The following ZNHIT6 variants were observed in gnomAD, a reference collection of about 807,000 sequenced individuals.
ZNHIT6 encodes the protein box C/D snoRNA protein 1.
ZNHIT6 carries 45 observed loss-of-function variants against 57.2 expected under a neutral mutation model. The ratio of observed to expected loss-of-function variants is 0.79; its 90% CI spans 0.62 to 1.01. The LOEUF (loss-of-function observed/expected upper bound fraction) is 1.01, where lower values mean the gene tolerates loss of function less well. Ranked by LOEUF, ZNHIT6 falls within the 50% of genes least tolerant of loss-of-function variation. The pLI is 0.00. For missense variants in ZNHIT6, 528 were observed against 567.3 expected (o/e 0.93, Z 0.70); for synonymous variants, 188 against 190.0 (o/e 0.99, Z 0.09).
chr1:85,681,870 A>T (rs1252970919), intron 5 of ZNHIT6, among the ~76,000 whole-genome samples: 1 of 152,190 alleles, frequency 6.6e-6, no homozygotes, highest in East Asian at 1.9e-4. Flanking sequence ...TGAATGCAAA[A>T]GCAACAGTTA....
chr1:85,672,300 G>A (rs1359266033), intron 8 of ZNHIT6, among the ~76,000 whole-genome samples: 4 of 151,544 alleles, frequency 2.6e-5, no homozygotes, highest in Non-Finnish European at 5.9e-5. Flanking sequence ...TTTTTTGCTA[G>A]ATTTTTACAG....
In ZNHIT6 at chr1:85,677,186, A is replaced by G. The variant is rs370845305; in HGVS notation, c.1247+50T>C. On this transcript the variant is annotated intron_variant, in intron 8 of 9. Coordinates refer to ENST00000370574, the MANE Select transcript of ZNHIT6 (RefSeq NM_017953.4). ...TGAGCTAATCAAGCTACTTAATTAT[A>G]TTACAGAACTAAAAAATATTTAAAG... The G allele has an allele frequency of 5.0e-6, 7 of 1,403,446 alleles. No homozygotes were observed. In the African/African-American group the frequency reaches 1.0e-4, roughly 20 times the overall value. The allele number at this position is 1,403,446 out of a possible 1,614,324, so 86.9% of individuals were successfully genotyped here.
chr1:85,679,336 C>T (rs902837979), intron 6 of ZNHIT6, among the ~76,000 whole-genome samples: 5 of 152,052 alleles, frequency 3.3e-5, no homozygotes, highest in Admixed American at 1.3e-4. Context: ...TTTCCTCAAC[C>T]ATTTATACAT....
In ZNHIT6 at chr1:85,702,207, T is replaced by TAGA. The variant is rs768521717; in HGVS notation, c.966_968dup (p.Leu323dup). 1.2e-6 allele frequency: 2 copies of TAGA among 1,611,510 alleles called. No homozygotes were observed. The highest frequency in any genetic ancestry group is 2.2e-5 in the South Asian group (2 of 90,214). On this transcript the variant is annotated inframe_insertion, in exon 5 of 10. Coordinates refer to ENST00000370574, the MANE Select transcript of ZNHIT6 (RefSeq NM_017953.4). ...CCTTCCTCTTGGTGAATCCATTGGG[T>TAGA]AGAAGTTTTAAGTTAATACCTTGCC...
intron 3 of ZNHIT6, 23 bp downstream of exon 3, chr1:85,706,226 T>G: frequency 6.2e-7 from 1 of 1,609,122 alleles, no homozygotes; most frequent in Non-Finnish European, 8.5e-7. Context: ...AAGCCTCAAT[T>G]TGCTATGCAT....
At chr1:85,667,797 G>C (rs2100659569) in intron 8 of ZNHIT6, among the ~76,000 whole-genome samples, 1 of 150,182 alleles carries the variant, frequency 6.7e-6, no homozygotes, top group Admixed American at 6.6e-5. Flanking sequence ...AGCCAGGTGT[G>C]GTAGTGTGTG....
rs967901962 is a variant in ZNHIT6, at chr1:85,650,822, A to G, written c.*3236T>C. The G allele has an allele frequency of 6.6e-6, 1 of 152,200 alleles. No homozygotes were observed. The highest frequency in any genetic ancestry group is 6.5e-5 in the Admixed American group (1 of 15,274). The allele number at this position is 152,200 out of a possible 1,614,324, so 9.4% of individuals were successfully genotyped here. ...GAACTAATCCATTCCCACGACAGCA[A>G]GAATGAGAACTCACTCACCCCAGTA... On this transcript the variant is annotated 3_prime_UTR_variant, in exon 10 of 10. Coordinates refer to ENST00000370574, the MANE Select transcript of ZNHIT6 (RefSeq NM_017953.4).
chr1:85,690,434 C>T (rs963839965), intron 5 of ZNHIT6, among the ~76,000 whole-genome samples: 2 of 152,204 alleles, frequency 1.3e-5, no homozygotes. Flanking sequence ...GAAATAAAAA[C>T]TATTTCTCAT....
At chr1:85,689,099 T>C (rs1219414320) in intron 5 of ZNHIT6, among the ~76,000 whole-genome samples, 1 of 152,232 alleles carries the variant, frequency 6.6e-6, no homozygotes, top group Non-Finnish European at 1.5e-5. Context: ...ATTGTCAACT[T>C]GTATGACATC....
intron 5 of ZNHIT6, among the ~76,000 whole-genome samples, chr1:85,701,777 A>G (rs148205460): frequency 1.3e-5 from 2 of 152,324 alleles, no homozygotes; most frequent in East Asian, 3.9e-4. Context: ...TGCTACTCAA[A>G]ATATGTTTCT....
chr1:85,669,412 T>G lies in ZNHIT6; in HGVS notation c.1247+7824A>C, dbSNP rs187305141. On this transcript the variant is annotated intron_variant, in intron 8 of 9. Coordinates refer to ENST00000370574, the MANE Select transcript of ZNHIT6 (RefSeq NM_017953.4). ...GTAAAATAGCCTTAGTTTTTAAAATTTAAAAACATCCTCTCAGCATGGAAA... is the reference window on the plus strand; with the variant it reads ...GTAAAATAGCCTTAGTTTTTAAAATGTAAAAACATCCTCTCAGCATGGAAA... Among the ~76,000 whole-genome samples, 16 of 152,292 alleles carry G rather than the reference T, an allele frequency of 1.1e-4. No homozygotes were observed. In the East Asian group the frequency reaches 3.1e-3, roughly 29 times the overall value.
intron 5 of ZNHIT6, among the ~76,000 whole-genome samples, chr1:85,687,692 C>T (rs563903692): frequency 3.6e-4 from 55 of 152,248 alleles, no homozygotes; most frequent in African/African-American, 1.3e-3. Flanking sequence ...TTGAGAATCA[C>T]ATTGACATAT....
intron 8 of ZNHIT6, 67 bp from the exon 9 acceptor site, chr1:85,658,038 T>A (rs188145759): frequency 1.9e-6 from 2 of 1,076,560 alleles, no homozygotes; most frequent in African/African-American, 3.3e-5. Context: ...AATAGATAAA[T>A]ATATGAGAGT....
rs1030812566 is a variant in ZNHIT6 at position 85,695,765 on chromosome 1, G to A, written c.1019+6392C>T. 3.9e-5 allele frequency among the ~76,000 whole-genome samples: 6 copies of A among 152,188 alleles called. No individual in the cohort carries two copies. The East Asian group carries it at 7.7e-4, about 20-fold the overall frequency. On this transcript the variant is annotated intron_variant, in intron 5 of 9. Coordinates refer to ENST00000370574, the MANE Select transcript of ZNHIT6 (RefSeq NM_017953.4). ...AAACAACATGGTTCAGGCCGGGCGC[G>A]GTGGCTCACGCCTTTAATCCCAACA...
intron 5 of ZNHIT6, among the ~76,000 whole-genome samples, chr1:85,689,990 G>A (rs186261454): frequency 7.4e-4 from 113 of 152,220 alleles, no homozygotes; most frequent in African/African-American, 2.4e-3. Context: ...TATTAACTGC[G>A]GAGAAAATAT....
At chr1:85,707,518 C>G in intron 1 of ZNHIT6, 111 bp downstream of exon 1, 1 of 1,299,620 alleles carries the variant, frequency 7.7e-7, no homozygotes, top group Non-Finnish European at 1.0e-6. Context: ...GAAACCCAAA[C>G]TTGTGCTCAT....
chr1:85,683,418 C>T (rs1490558754), intron 5 of ZNHIT6, among the ~76,000 whole-genome samples: 1 of 151,538 alleles, frequency 6.6e-6, no homozygotes, highest in Non-Finnish European at 1.5e-5. Context: ...CTCGGGAGGC[C>T]GAGGCAGGAG....
At chr1:85,692,173 C>T (rs965217731) in intron 5 of ZNHIT6, among the ~76,000 whole-genome samples, 4 of 152,038 alleles carry the variant, frequency 2.6e-5, no homozygotes, top group Non-Finnish European at 4.4e-5. Flanking sequence ...ATAAATGCTG[C>T]GGTCAAGGAG....
intron 4 of ZNHIT6, among the ~76,000 whole-genome samples, chr1:85,704,723 T>C (rs972958888): frequency 2.0e-5 from 3 of 152,166 alleles, no homozygotes; most frequent in Non-Finnish European, 4.4e-5. Flanking sequence ...CAGATATGTG[T>C]AATGTAATTA....
Sources: allele counts gnomAD v4.1 joint callset (sites outside exome capture counted in the v4.1 genomes callset), GRCh38; gene constraint gnomAD v4.1.1; transcripts MANE v1.5; gene names NCBI Gene and HGNC (gene_info 2026-07-23, HGNC 2026-07-21).